The following DAB1 variants were observed in gnomAD, a reference collection of about 807,000 sequenced individuals.
DAB1 encodes disabled homolog 1.
DAB1 carries 15 observed loss-of-function variants against 64.6 expected under a neutral mutation model. The ratio of observed to expected loss-of-function variants is 0.23; its 90% CI spans 0.16 to 0.36. The LOEUF (loss-of-function observed/expected upper bound fraction) is 0.36. DAB1 is among the 10% of genes least tolerant of loss of function. The pLI, the probability that DAB1 is intolerant of heterozygous loss-of-function variation, is 1.00. For missense variants in DAB1, 596 were observed against 706.7 expected, an observed-to-expected ratio of 0.84 and a Z score of 1.78; for synonymous variants, 235 against 251.9, an observed-to-expected ratio of 0.93 and a Z score of 0.64.
Position 58,334,641 on chromosome 1 carries a change from C to T in DAB1, n.309+8711G>A, listed in dbSNP as rs951417759. 8.2e-5 allele frequency among the ~76,000 whole-genome samples: 11 copies of T among 134,714 alleles called. No homozygotes were observed. In the South Asian group the frequency reaches 2.8e-3, roughly 35 times the overall value. The allele number at this position is 134,714 out of a possible 152,430, so 88.4% of individuals were successfully genotyped here. A position where few individuals can be genotyped will look rare whatever the true frequency, so the allele number is the denominator to read the frequency against. On this transcript the variant is annotated intron_variant and non_coding_transcript_variant, in intron 4 of 20. Coordinates refer to the DAB1 transcript ENST00000485760. The stretch of plus-strand genomic sequence containing the variant: ...TATATTATATTATATTATATCATAT[C>T]ATATCATATCATATTATATTATATT...
At chr1:57,320,448 C>T (rs1385475964) in intron 1 of DAB1, among the ~76,000 whole-genome samples, 3 of 152,148 alleles carry the variant, frequency 2.0e-5, no homozygotes, top group Non-Finnish European at 4.4e-5. Flanking sequence ...TTTGTAAGGT[C>T]ATAGAGCATT....
At chr1:57,968,302 C>T (rs1570111773) in intron 5 of DAB1, among the ~76,000 whole-genome samples, 1 of 152,142 alleles carries the variant, frequency 6.6e-6, no homozygotes, top group East Asian at 1.9e-4. Context: ...GTATAATTTT[C>T]TTCCATCCCT....
At chr1:58,264,612 A>T (rs1661120557) in intron 4 of DAB1, among the ~76,000 whole-genome samples, 1 of 152,234 alleles carries the variant, frequency 6.6e-6, no homozygotes, top group South Asian at 2.1e-4. Context: ...ATGACTTCCA[A>T]GGACATCAAG....
chr1:57,621,262 T>TTGTGTG (rs767388836), intron 7 of DAB1, among the ~76,000 whole-genome samples: 2 of 63,552 alleles, frequency 3.1e-5, no homozygotes, highest in South Asian at 8.1e-4. Flanking sequence ...AGTGAGATTG[T>TTGTGTG]TGTGTGTGTG....
intron 14 of DAB1, among the ~76,000 whole-genome samples, chr1:57,003,457 TACTC>T (rs1645946383): frequency 1.3e-5 from 2 of 152,128 alleles, no homozygotes; most frequent in African/African-American, 4.8e-5. Context: ...CCTGTGCAGT[TACTC>T]AGCCAGCACA....
At chr1:57,322,952 A>C (rs1675842902) in intron 1 of DAB1, among the ~76,000 whole-genome samples, 1 of 152,176 alleles carries the variant, frequency 6.6e-6, no homozygotes, top group South Asian at 2.1e-4. Context: ...ATGCTAGATC[A>C]GCTCAAGGGT....
Position 57,934,063 on chromosome 1 carries a change from T to TTGTGTGTGTGTGTGTGTG in DAB1, n.388-49919_388-49902dup, listed in dbSNP as rs55848780. On this transcript the variant is annotated intron_variant and non_coding_transcript_variant, in intron 5 of 20. Coordinates refer to the DAB1 transcript ENST00000485760. Reference sequence around the variant, plus strand: ...GGCGTCCGCCACCAAGCCCAGCTAATTGTGTGTGTGTGTGTGTGTGTGTGT... The same window carrying TTGTGTGTGTGTGTGTGTG: ...GGCGTCCGCCACCAAGCCCAGCTAATTGTGTGTGTGTGTGTGTGTGTGTGTGTGTGTGTGTGTGTGTGT... Among the ~76,000 whole-genome samples the TTGTGTGTGTGTGTGTGTG allele has an allele frequency of 3.5e-3, 454 of 128,088 alleles. 10 individuals carry two copies. The highest frequency in any genetic ancestry group is 6.6e-3 in the African/African-American group (219 of 33,138). 84.0% of individuals were successfully genotyped at this position (128,088 alleles called of 152,430 possible). A position where few individuals can be genotyped will look rare whatever the true frequency, so the allele number is the denominator to read the frequency against.
chr1:57,547,053 A>C (rs6699216), intron 7 of DAB1, among the ~76,000 whole-genome samples: 1 of 152,176 alleles, frequency 6.6e-6, no homozygotes, highest in African/African-American at 2.4e-5. Context: ...GATTTGGAGT[A>C]CAAAGCTAGG....
intron 3 of DAB1, among the ~76,000 whole-genome samples, chr1:58,360,156 A>G (rs1644151534): frequency 6.6e-6 from 1 of 152,212 alleles, no homozygotes; most frequent in African/African-American, 2.4e-5. Context: ...TACCTACTGT[A>G]AGCTACCTAT....
intron 4 of DAB1, among the ~76,000 whole-genome samples, chr1:58,299,118 G>A (rs915227283): frequency 1.3e-5 from 2 of 152,140 alleles, no homozygotes; most frequent in African/African-American, 2.4e-5. Flanking sequence ...ACTGATAAAG[G>A]AACTTTTACC....
rs1558289008 is a variant in DAB1, at chr1:57,387,838, A to AAG, written c.-137+36090_-137+36091dup. Among the ~76,000 whole-genome samples the AAG allele has an allele frequency of 8.6e-4, 126 of 146,818 alleles. 1 individual carries two copies. Among genetic ancestry groups the AAG allele is most frequent in the Middle Eastern group, 3.6e-3 (1 of 274 alleles). On this transcript the variant is annotated intron_variant, in intron 1 of 14. Coordinates refer to ENST00000371236, the MANE Select transcript of DAB1 (RefSeq NM_001365792.1). ...CTCAGCCTCAAAAAAAAAAAAAAAA[A>AAG]AGAGAGAGAAAACTGAGGTACAAAG...
At chr1:58,224,944 A>G (rs1247609795) in intron 4 of DAB1, among the ~76,000 whole-genome samples, 1 of 152,226 alleles carries the variant, frequency 6.6e-6, no homozygotes, top group Non-Finnish European at 1.5e-5. Flanking sequence ...TGGCAACAAA[A>G]GCCAAAATTG....
At chr1:57,725,375 C>G (rs1198570593) in intron 6 of DAB1, among the ~76,000 whole-genome samples, 1 of 152,162 alleles carries the variant, frequency 6.6e-6, no homozygotes, top group South Asian at 2.1e-4. Context: ...GCCCACCAAC[C>G]CGGAGTCGTG....
At chr1:57,313,305 C>T (rs982383331) in intron 1 of DAB1, among the ~76,000 whole-genome samples, 3 of 152,166 alleles carry the variant, frequency 2.0e-5, no homozygotes, top group Non-Finnish European at 2.9e-5. Context: ...AGCCTGGTCC[C>T]CACAATATGA....
At chr1:58,375,218 T>C (rs1034588991) in intron 3 of DAB1, among the ~76,000 whole-genome samples, 2 of 147,500 alleles carry the variant, frequency 1.4e-5, no homozygotes, top group Non-Finnish European at 3.0e-5. Context: ...CAACACTATG[T>C]TGAATAGGAG....
intron 6 of DAB1, among the ~76,000 whole-genome samples, chr1:57,695,428 GA>G (rs1363728570): frequency 4.9e-5 from 6 of 123,292 alleles, no homozygotes; most frequent in African/African-American, 1.9e-4. Context: ...AAGAAAGAAA[GA>G]AAGAAAAAAG....
chr1:57,895,874 A>C (rs1644384706), intron 5 of DAB1, among the ~76,000 whole-genome samples: 1 of 152,246 alleles, frequency 6.6e-6, no homozygotes, highest in Non-Finnish European at 1.5e-5. Flanking sequence ...AAAATGTTAT[A>C]TAACTTTACA....
At chr1:57,536,986 A>G (rs1161212199) in intron 7 of DAB1, among the ~76,000 whole-genome samples, 3 of 152,230 alleles carry the variant, frequency 2.0e-5, no homozygotes, top group Admixed American at 2.0e-4. Context: ...TGTGGTCTGG[A>G]GTTCTAAGTA....
chr1:58,173,811 C>T (rs1406582822), intron 4 of DAB1, among the ~76,000 whole-genome samples: 1 of 152,132 alleles, frequency 6.6e-6, no homozygotes, highest in Non-Finnish European at 1.5e-5. Flanking sequence ...CTTTCTAAGT[C>T]CCAACATTAA....
Sources: allele counts gnomAD v4.1 joint callset (sites outside exome capture counted in the v4.1 genomes callset), GRCh38; gene constraint gnomAD v4.1.1; transcripts MANE v1.5; gene names NCBI Gene and HGNC (gene_info 2026-07-23, HGNC 2026-07-21).